MYO7A: variants seen among roughly 807,000 people sequenced by gnomAD.
The protein encoded by MYO7A is myosin VIIA.
MYO7A carries 210 observed loss-of-function variants against 263.8 expected under a neutral mutation model. The observed-to-expected ratio is 0.80, with a 90% CI of 0.71 to 0.89. The LOEUF (loss-of-function observed/expected upper bound fraction) is 0.89, where lower values mean the gene tolerates loss of function less well. MYO7A is among the 40% of genes least tolerant of loss of function. The probability of loss-of-function intolerance (pLI) is 0.00; values close to 1 mark genes in which losing one functional copy is unlikely to be tolerated. For missense variants in MYO7A, 2,820 were observed against 2,968.3 expected (o/e 0.95, Z 1.16); for synonymous variants, 1,239 against 1,197.3 (o/e 1.03, Z -0.72).
At chr11:77,134,184 G>A (rs1185501331) in intron 2 of MYO7A, among the ~76,000 whole-genome samples, 1 of 152,194 alleles carries the variant, frequency 6.6e-6, no homozygotes, top group African/African-American at 2.4e-5. Flanking sequence ...GCCTGCCTCA[G>A]CCTCCCAAAC....
chr11:77,174,871 G>C lies in MYO7A; in HGVS notation c.2051G>C (p.Arg684Pro). Residue 684 changes from arginine to proline, a missense_variant, in exon 17 of 49, where the codon CGG (arginine) becomes CCG (proline). By Grantham distance (103) the Arg-to-Pro change is moderately radical (BLOSUM62 -2). Transcript: ENST00000409709. ...IRYSFVEFVERYRVLLPGVKP... is the reference protein window; with the variant it reads ...IRYSFVEFVEPYRVLLPGVKP... Reference sequence around the variant, plus strand: ...TACAGCTTCGTAGAGTTTGTGGAGCGGTACCGTGTGCTGCTGCCAGGTGTG... The same window carrying C: ...TACAGCTTCGTAGAGTTTGTGGAGCCGTACCGTGTGCTGCTGCCAGGTGTG... 1 of 1,613,716 alleles carries C rather than the reference G, an allele frequency of 6.2e-7. No homozygotes were observed. Among genetic ancestry groups the C allele is most frequent in the Non-Finnish European group, 8.5e-7 (1 of 1,179,880 alleles).
rs111033437 is a variant in MYO7A, at chr11:77,179,925, G to A, written c.2558G>A (p.Arg853His). 7.2e-6 allele frequency: 11 copies of A among 1,531,882 alleles called. No homozygotes were observed. Among genetic ancestry groups the A allele is most frequent in the East Asian group, 2.5e-5 (1 of 40,686 alleles). 94.9% of individuals were successfully genotyped at this position (1,531,882 alleles called of 1,614,324 possible). The change falls in exon 21 of 49, where the codon CGC becomes CAC. Residue 853 changes from arginine to histidine, a missense_variant. Arg to His is a conservative substitution (Grantham distance 29). Coordinates refer to ENST00000409709, the MANE Select transcript of MYO7A (RefSeq NM_000260.4). Reference sequence around the variant, plus strand: ...GCCTATGCCCGGGGCATGATCGCCCGCAGGCTGCACCAACGCCTCAGGGCT... The same window carrying A: ...GCCTATGCCCGGGGCATGATCGCCCACAGGCTGCACCAACGCCTCAGGGCT... ...VQAYARGMIA[R>H]RLHQRLRAEY...
intron 26 of MYO7A, 65 bp downstream of exon 26, chr11:77,183,222 C>A: frequency 7.3e-7 from 1 of 1,363,890 alleles, no homozygotes; most frequent in Non-Finnish European, 1.0e-6. Context: ...TAGGCTGGAG[C>A]ACAGCTGAGC....
In MYO7A at chr11:77,182,045, A is replaced by T; in HGVS notation, c.2999A>T (p.Lys1000Ile). Reference protein sequence around the residue: ...DEDEEDLSEYKFAKFAATYFQ... With the variant: ...DEDEEDLSEYIFAKFAATYFQ... ...GATGAGGAGGACCTCTCTGAGTATA[A>T]ATTTGCCAAGTTCGCGGCCACCTAC... The change falls in exon 24 of 49, where the codon AAA becomes ATA. Residue 1000 changes from lysine (K) to isoleucine (I), a missense_variant. Lys to Ile is a moderately radical substitution (Grantham distance 102). Coordinates refer to ENST00000409709, the MANE Select transcript of MYO7A (RefSeq NM_000260.4). 6.2e-7 allele frequency: 1 copy of T among 1,613,228 alleles called. No individual in the cohort carries two copies.
At chr11:77,155,701 C>T (rs1185050203) in intron 4 of MYO7A, among the ~76,000 whole-genome samples, 3 of 152,248 alleles carry the variant, frequency 2.0e-5, no homozygotes, top group African/African-American at 7.2e-5. Flanking sequence ...TCACTGAGCA[C>T]TAACTCCGAG....
chr11:77,140,275 A>T (rs1951127389), intron 2 of MYO7A, among the ~76,000 whole-genome samples: 2 of 152,110 alleles, frequency 1.3e-5, no homozygotes, highest in Admixed American at 6.5e-5. Flanking sequence ...GCTTGCCTTC[A>T]GGGCCCTTGA....
chr11:77,189,994 C>T lies in MYO7A; in HGVS notation c.3631-26C>T, dbSNP rs1037636435. ...AATCCACATGGGGAGCCCCAGGGGC[C>T]GCCTCAGCGGGTACTCTGGCTGCAG... On this transcript the variant is annotated intron_variant, in intron 28 of 48. Coordinates refer to ENST00000409709, the MANE Select transcript of MYO7A (RefSeq NM_000260.4). The T allele has an allele frequency of 6.0e-6, 9 of 1,498,236 alleles. No homozygotes were observed. In the African/African-American group the frequency reaches 9.9e-5, roughly 16 times the overall value. 92.8% of individuals were successfully genotyped at this position (1,498,236 alleles called of 1,614,324 possible). A position where few individuals can be genotyped will look rare whatever the true frequency, so the allele number is the denominator to read the frequency against.
At chr11:77,150,053 G>A (rs782544981) in intron 4 of MYO7A, among the ~76,000 whole-genome samples, 17 of 152,176 alleles carry the variant, frequency 1.1e-4, no homozygotes, top group Non-Finnish European at 2.1e-4. Context: ...CCCACCCTTA[G>A]GTGAGCAGGG....
Position 77,160,929 on chromosome 11 carries a change from G to A in MYO7A, c.1201-44G>A, listed in dbSNP as rs782621882. ...GTCCAGGAGCCTGGCCTGTCCCCCG[G>A]GGGAGGGTGTGGCTGGTGCCAGTGG... On this transcript the variant is annotated intron_variant, in intron 11 of 48. Transcript: ENST00000409709. 87 of 1,577,548 alleles carry A rather than the reference G, an allele frequency of 5.5e-5. 1 individual carries two copies. In the African/African-American group the frequency reaches 1.0e-3, roughly 19 times the overall value.
Position 77,160,971 on chromosome 11 carries a change from A to AG in MYO7A, c.1203dup. On this transcript the variant is annotated splice_acceptor_variant, in intron 11 of 48. Transcript: ENST00000409709. LOFTEE classifies it high-confidence loss of function. ...TGCCAGTGGCTGATCACTGCCTTTC[A>AG]GGGGATCTACGGGCGGCTGTTCGTG... is the stretch of plus-strand genomic sequence containing the variant. The AG allele has an allele frequency of 6.3e-7, 1 of 1,597,170 alleles. No homozygotes were observed. Among genetic ancestry groups the AG allele is most frequent in the Non-Finnish European group, 8.5e-7 (1 of 1,172,640 alleles).
intron 14 of MYO7A, 146 bp from the exon 15 acceptor site, chr11:77,165,910 T>C (rs964453074): frequency 1.7e-6 from 1 of 594,832 alleles, no homozygotes; most frequent in Middle Eastern, 4.5e-4. Flanking sequence ...GGCAAGTCTC[T>C]GTCCCCTCCA....
chr11:77,187,116 C>T (rs1477901888), intron 27 of MYO7A, among the ~76,000 whole-genome samples: 2 of 152,064 alleles, frequency 1.3e-5, no homozygotes, highest in East Asian at 1.9e-4. Flanking sequence ...TCTATGGGCA[C>T]GATTCATGGT....
intron 21 of MYO7A, among the ~76,000 whole-genome samples, chr11:77,180,173 C>A (rs1213328242): frequency 2.6e-5 from 4 of 152,206 alleles, no homozygotes; most frequent in African/African-American, 9.7e-5. Context: ...TCTGGGAGAC[C>A]GACGCAGATC....
rs1955862943 is a variant in MYO7A, at chr11:77,189,354, T to A, written c.3514T>A (p.Tyr1172Asn). 1 of 1,613,396 alleles carries A rather than the reference T, an allele frequency of 6.2e-7. No homozygotes were observed. Among genetic ancestry groups the A allele is most frequent in the African/African-American group, 1.3e-5 (1 of 74,904 alleles). Reference protein sequence around the residue: ...ILRPALRDEIYCQISKQLTHN... With the variant: ...ILRPALRDEINCQISKQLTHN... Reference sequence around the variant, plus strand: ...CTGCTGCCTGCCCAGGGACGAGATCTACTGCCAGATCAGCAAGCAGCTGAC... The same window carrying A: ...CTGCTGCCTGCCCAGGGACGAGATCAACTGCCAGATCAGCAAGCAGCTGAC... The change falls in exon 28 of 49, where the codon TAC becomes AAC. Residue 1172 changes from tyrosine (Y) to asparagine (N), a missense_variant. By Grantham distance (143) the Tyr-to-Asn change is moderately radical (BLOSUM62 -2). Transcript: ENST00000409709.
At chr11:77,156,317 C>A (rs957210226) in intron 5 of MYO7A, among the ~76,000 whole-genome samples, 4 of 152,238 alleles carry the variant, frequency 2.6e-5, no homozygotes, top group African/African-American at 9.6e-5. Flanking sequence ...CTTTTGAGGC[C>A]AGCCTTGTTT....
chr11:77,180,259 C>A, intron 21 of MYO7A, 115 bp from the exon 22 acceptor site: 1 of 308,582 alleles, frequency 3.2e-6, no homozygotes, highest in Non-Finnish European at 5.3e-6. Flanking sequence ...CTCACTTGTC[C>A]TATCAAAGTC....
chr11:77,199,733 C>T lies in MYO7A; in HGVS notation c.4767C>T (p.Asp1589=), dbSNP rs774265877. The change falls in exon 35 of 49, where the codon GAC becomes GAT. Residue 1589 remains aspartate (D), a synonymous_variant. Transcript: ENST00000409709. The part of the protein sequence containing the change: ...EYTFTSSNAE[D]IRDLVVTFLE... ...CCTTCACCTCCAGCAATGCTGAGGA[C>T]ATTCGTGACCTGGTGGTCACCTTCC... The T allele has an allele frequency of 6.2e-7, 1 of 1,613,446 alleles. No individual in the cohort carries two copies. The highest frequency in any genetic ancestry group is 8.5e-7 in the Non-Finnish European group (1 of 1,179,612).
At chr11:77,172,442 C>A (rs1316512802) in intron 15 of MYO7A, among the ~76,000 whole-genome samples, 1 of 152,142 alleles carries the variant, frequency 6.6e-6, no homozygotes, top group African/African-American at 2.4e-5. Context: ...TCAGAGTTAT[C>A]CAGCGCACCA....
rs1957391411 is a variant in MYO7A at position 77,205,567 on chromosome 11, G to T, written c.5586G>T (p.Lys1862Asn). ...TGCAGCGCTTCCTGCAGTCCCGAAA[G>T]CACTGCCCACTCGCCATCGACTGCC... Reference protein sequence around the residue: ...PHVQRFLQSRKHCPLAIDCLQ... With the variant: ...PHVQRFLQSRNHCPLAIDCLQ... The change falls in exon 40 of 49, where the codon AAG becomes AAT. Residue 1862 changes from lysine (K) to asparagine (N), a missense_variant. Lys to Asn is a moderately conservative substitution (Grantham distance 94). Transcript: ENST00000409709. The T allele has an allele frequency of 6.2e-7, 1 of 1,613,254 alleles. No homozygotes were observed. Among genetic ancestry groups the T allele is most frequent in the Non-Finnish European group, 8.5e-7 (1 of 1,179,708 alleles).
Sources: gnomAD v4.1 joint callset for allele counts (sites outside exome capture counted in the v4.1 genomes callset) on GRCh38, gnomAD v4.1.1 for gene constraint, MANE v1.5 for transcripts, NCBI Gene and HGNC (gene_info 2026-07-23, HGNC 2026-07-21) for gene names.